DLG2: variants seen among roughly 807,000 people sequenced by gnomAD.
DLG2 encodes disks large homolog 2.
Under a neutral mutation model 132.5 loss-of-function variants are expected in DLG2, and 45 were observed. The observed-to-expected ratio is 0.34, with a 90% CI of 0.27 to 0.44. DLG2 has a LOEUF of 0.44. DLG2 is among the 20% of genes least tolerant of loss of function. DLG2 has a pLI of 1.00. For synonymous variants in DLG2, 424 were observed against 419.6 expected (o/e 1.01, Z -0.13); for missense variants, 1,045 against 1,196.9 (o/e 0.87, Z 1.87).
At chr11:84,929,025 T>TATATAAA in intron 6 of DLG2, among the ~76,000 whole-genome samples, 1 of 128,438 alleles carries the variant, frequency 7.8e-6, no homozygotes, top group South Asian at 2.6e-4. Flanking sequence ...TATATATATA[T>TATATAAA]TACTGTGAAT....
At chr11:83,848,492 T>C (rs2059072393) in intron 16 of DLG2, among the ~76,000 whole-genome samples, 1 of 152,178 alleles carries the variant, frequency 6.6e-6, no homozygotes, top group Non-Finnish European at 1.5e-5. Context: ...TTGTTCCTTA[T>C]CTGGGTTAAT....
intron 14 of DLG2, among the ~76,000 whole-genome samples, chr11:83,955,808 G>A (rs534060465): frequency 6.6e-6 from 1 of 152,150 alleles, no homozygotes; most frequent in African/African-American, 2.4e-5. Context: ...TCTTTCTCCT[G>A]TGCTGGGTGC....
intron 3 of DLG2, among the ~76,000 whole-genome samples, chr11:85,395,495 T>C (rs1206856286): frequency 6.6e-6 from 1 of 152,096 alleles, no homozygotes; most frequent in East Asian, 1.9e-4. Flanking sequence ...GATTCCACTT[T>C]CCTAGCCAAG....
chr11:84,672,604 G>C (rs1022625036), intron 6 of DLG2, among the ~76,000 whole-genome samples: 1 of 151,988 alleles, frequency 6.6e-6, no homozygotes, highest in Non-Finnish European at 1.5e-5. Context: ...CATAAAATAG[G>C]TAAGTGAAAA....
rs75690328 is a variant in DLG2 at position 85,264,804 on chromosome 11, G to T, written c.186+20416C>A. Among the ~76,000 whole-genome samples the T allele has an allele frequency of 3.3e-5, 5 of 152,250 alleles. No homozygotes were observed. The East Asian group carries it at 9.7e-4, about 29-fold the overall frequency. ...AAGAAACATTTCTTTCAGGTCTCAT[G>T]GATGTAGCTTCCCAACAGTCAACAG... On this transcript the variant is annotated intron_variant, in intron 4 of 27. Coordinates refer to ENST00000376104, the MANE Select transcript of DLG2 (RefSeq NM_001142699.3).
intron 18 of DLG2, among the ~76,000 whole-genome samples, chr11:83,644,419 G>A (rs1245009048): frequency 6.6e-6 from 1 of 152,116 alleles, no homozygotes; most frequent in Non-Finnish European, 1.5e-5. Flanking sequence ...CAAAGAGACG[G>A]ATTGAGAGAA....
intron 6 of DLG2, among the ~76,000 whole-genome samples, chr11:84,829,267 T>C (rs188891358): frequency 6.6e-5 from 10 of 151,798 alleles, no homozygotes; most frequent in African/African-American, 2.4e-4. Context: ...AGAAGTGACA[T>C]ATGCCACTTC....
chr11:83,598,502 C>T (rs112947720), intron 19 of DLG2, among the ~76,000 whole-genome samples: 16 of 152,254 alleles, frequency 1.1e-4, no homozygotes, highest in African/African-American at 2.2e-4. Context: ...TACTGCTGGC[C>T]GTGTGATCTT....
intron 3 of DLG2, among the ~76,000 whole-genome samples, chr11:85,422,657 A>AT (rs2090413065): frequency 6.6e-6 from 1 of 151,694 alleles, no homozygotes; most frequent in Non-Finnish European, 1.5e-5. Context: ...CATCTGGCTG[A>AT]TTTTTGTATT....
chr11:85,436,146 T>C (rs1208543798), intron 3 of DLG2, among the ~76,000 whole-genome samples: 2 of 152,166 alleles, frequency 1.3e-5, no homozygotes, highest in Non-Finnish European at 2.9e-5. Context: ...TTACATCTTA[T>C]ACAAAAATTA....
intron 15 of DLG2, among the ~76,000 whole-genome samples, chr11:83,888,251 G>T (rs2068553378): frequency 1.3e-5 from 2 of 152,096 alleles, no homozygotes; most frequent in South Asian, 2.1e-4. Flanking sequence ...CTTCAGCAAA[G>T]TCTCAGGATA....
At chr11:83,597,034 A>G (rs2057710047) in intron 19 of DLG2, among the ~76,000 whole-genome samples, 1 of 152,176 alleles carries the variant, frequency 6.6e-6, no homozygotes, top group Non-Finnish European at 1.5e-5. Flanking sequence ...CAATTCTGTG[A>G]TGATCAAAGG....
At position 83,784,747 on chromosome 11, in the gene DLG2, C is replaced by T. The variant is rs560719851; in HGVS notation, c.1825+1943G>A. On this transcript the variant is annotated intron_variant, in intron 18 of 27. Coordinates refer to ENST00000376104, the MANE Select transcript of DLG2 (RefSeq NM_001142699.3). ...TTGTCCTTTTATGTAAACTTTAAAG[C>T]TTGAAGTCATTCTGTTCAAGGTTAT... 2.0e-5 allele frequency among the ~76,000 whole-genome samples: 3 copies of T among 152,254 alleles called. No homozygotes were observed. The East Asian group carries it at 5.8e-4, about 29-fold the overall frequency.
intron 19 of DLG2, among the ~76,000 whole-genome samples, chr11:83,559,220 A>G (rs2142670164): frequency 6.6e-6 from 1 of 152,248 alleles, no homozygotes; most frequent in Non-Finnish European, 1.5e-5. Context: ...GAAATTATGT[A>G]TTGTACAGAA....
At chr11:84,542,162 AGG>A (rs1165114723) in intron 6 of DLG2, among the ~76,000 whole-genome samples, 3 of 151,944 alleles carry the variant, frequency 2.0e-5, no homozygotes, top group African/African-American at 7.3e-5. Context: ...AAAGAGAGAG[AGG>A]GGGAAGGAAC....
intron 6 of DLG2, among the ~76,000 whole-genome samples, chr11:84,599,306 C>A (rs552923246): frequency 6.6e-6 from 1 of 152,104 alleles, no homozygotes; most frequent in Non-Finnish European, 1.5e-5. Context: ...CCTTGTTTTA[C>A]GAGGGACTAT....
At chr11:85,523,411 A>T (rs767684403) in intron 3 of DLG2, among the ~76,000 whole-genome samples, 3 of 152,226 alleles carry the variant, frequency 2.0e-5, no homozygotes, top group Non-Finnish European at 4.4e-5. Flanking sequence ...CAACTTAAAA[A>T]TGGGAAAAAG....
rs78618473 is a variant in DLG2 at position 84,946,845 on chromosome 11, G to T, written c.357+164816C>A. On this transcript the variant is annotated intron_variant, in intron 6 of 27. Coordinates refer to ENST00000376104, the MANE Select transcript of DLG2 (RefSeq NM_001142699.3). ...CCTTTCAAATTTATTTAGAGCCCCAGAGCCCTTTAGCATGCAATGGTGGTG... is the reference window on the plus strand; with the variant it reads ...CCTTTCAAATTTATTTAGAGCCCCATAGCCCTTTAGCATGCAATGGTGGTG... 3.8e-3 allele frequency among the ~76,000 whole-genome samples: 579 copies of T among 152,260 alleles called. 1 individual carries two copies. Among genetic ancestry groups the T allele is most frequent in the African/African-American group, 0.013 (541 of 41,552 alleles).
intron 8 of DLG2, among the ~76,000 whole-genome samples, chr11:84,172,036 C>A (rs1388095309): frequency 6.6e-6 from 1 of 152,102 alleles, no homozygotes; most frequent in African/African-American, 2.4e-5. Flanking sequence ...ACCTGGATTC[C>A]ATAACAGTTC....
Sources: gnomAD v4.1 joint callset for allele counts (sites outside exome capture counted in the v4.1 genomes callset) on GRCh38, gnomAD v4.1.1 for gene constraint, MANE v1.5 for transcripts, NCBI Gene and HGNC (gene_info 2026-07-23, HGNC 2026-07-21) for gene names.